The following TFCP2 variants were observed in gnomAD, a reference collection of about 807,000 sequenced individuals.
TFCP2 encodes transcription factor CP2.
TFCP2 carries 33 observed loss-of-function variants against 73.4 expected under a neutral mutation model. The ratio of observed to expected loss-of-function variants is 0.45; its 90% CI spans 0.34 to 0.60. The LOEUF (loss-of-function observed/expected upper bound fraction) is 0.60, where lower values mean the gene tolerates loss of function less well. Among genes scored for constraint, TFCP2 ranks in the 20% least tolerant of loss-of-function variants. The pLI is 0.01. For missense variants in TFCP2, 352 were observed against 604.0 expected, an observed-to-expected ratio of 0.58 and a Z score of 4.37; for synonymous variants, 193 against 211.6, an observed-to-expected ratio of 0.91 and a Z score of 0.76.
intron 8 of TFCP2, 26 bp from the exon 9 acceptor site, chr12:51,104,229 A>G (rs1300444184): frequency 1.2e-6 from 2 of 1,607,358 alleles, no homozygotes; most frequent in South Asian, 2.2e-5. Context: ...AAATGAAAGG[A>G]TGAGTCCATG....
At chr12:51,101,898 T>A (rs1940118153) in intron 11 of TFCP2, 37 bp downstream of exon 11, 2 of 1,376,944 alleles carry the variant, frequency 1.5e-6, no homozygotes, top group African/African-American at 2.8e-5. Context: ...CCATTTGGAA[T>A]CCCAACCTTA....
At chr12:51,120,858 C>T (rs530592696) in intron 1 of TFCP2, among the ~76,000 whole-genome samples, 226 of 137,220 alleles carry the variant, frequency 1.6e-3, no homozygotes, top group Non-Finnish European at 2.8e-3. Flanking sequence ...TCACTTGAGC[C>T]GAGATTGTGC....
chr12:51,161,549 G>A lies in TFCP2; in HGVS notation c.122+10752C>T, dbSNP rs1183952339. ...CAAAAAATTAGCCGGGCATGGTGGT[G>A]CATGCCTGTAATCCCAGCTATTCAG... On this transcript the variant is annotated intron_variant, in intron 1 of 14. Transcript: ENST00000257915. Among the ~76,000 whole-genome samples the A allele has an allele frequency of 2.6e-5, 4 of 151,772 alleles. No individual in the cohort carries two copies. In the East Asian group the frequency reaches 5.8e-4, roughly 22 times the overall value.
At position 51,129,973 on chromosome 12, in the gene TFCP2, C is replaced by A. The variant is rs866957423; in HGVS notation, c.123-11201G>T. ...AGACCAGCCTGGGTAAAAAATAAGA[C>A]CCCATCTCTACAAAAAAAAATTGTT... On this transcript the variant is annotated intron_variant, in intron 1 of 14. Coordinates refer to ENST00000257915, the MANE Select transcript of TFCP2 (RefSeq NM_005653.5). Among the ~76,000 whole-genome samples, 4 of 84,604 alleles carry A rather than the reference C, an allele frequency of 4.7e-5. 1 individual carries two copies. The South Asian group carries it at 2.0e-3, about 43-fold the overall frequency. 55.5% of individuals were successfully genotyped at this position (84,604 alleles called of 152,430 possible).
At chr12:51,156,999 A>G (rs1221870973) in intron 1 of TFCP2, 2 of 142,068 alleles carry the variant, frequency 1.4e-5, no homozygotes, top group Admixed American at 1.5e-4. Flanking sequence ...ATCGTAGTCT[A>G]TTATAATCTC....
intron 1 of TFCP2, among the ~76,000 whole-genome samples, chr12:51,141,488 T>G (rs554688270): frequency 2.6e-4 from 39 of 152,300 alleles, no homozygotes; most frequent in African/African-American, 9.4e-4. Context: ...AGCTCTACTC[T>G]TGCAAGGATC....
chr12:51,135,445 C>A (rs199742063), intron 1 of TFCP2, among the ~76,000 whole-genome samples: 4 of 138,002 alleles, frequency 2.9e-5, no homozygotes, highest in African/African-American at 7.7e-5. Context: ...ACAAAAAAAA[C>A]AACTACGATC....
At chr12:51,099,619 C>T in intron 12 of TFCP2, 36 bp downstream of exon 12, 1 of 1,607,754 alleles carries the variant, frequency 6.2e-7, no homozygotes, top group Non-Finnish European at 8.5e-7. Context: ...CTTCACCTTT[C>T]TTCATATCTG....
chr12:51,118,731 C>T lies in TFCP2; in HGVS notation c.164G>A (p.Ser55Asn), dbSNP rs1940591970. 6.2e-7 allele frequency: 1 copy of T among 1,614,142 alleles called. No homozygotes were observed. The highest frequency in any genetic ancestry group is 1.7e-5 in the Admixed American group (1 of 60,004). Residue 55 changes from serine to asparagine, a missense_variant, in exon 2 of 15, where the codon AGT becomes AAT. Physicochemically the swap from Ser to Asn is conservative, Grantham distance 46. This residue lies in a region of TFCP2 where 76 missense variants were observed against 163.2 expected (regional missense o/e 0.47). Coordinates refer to ENST00000257915, the MANE Select transcript of TFCP2 (RefSeq NM_005653.5). Reference sequence around the variant, plus strand: ...TTTATTCTCATTATCAGGAGGCAAACTCGACTCTTCTTGCTTAAAAATGGG... The same window carrying T: ...TTTATTCTCATTATCAGGAGGCAAATTCGACTCTTCTTGCTTAAAAATGGG... ...ALPIFKQEES[S>N]LPPDNENKIL...
intron 7 of TFCP2, 126 bp from the exon 8 acceptor site, chr12:51,106,739 A>AGTGTTCTCTATTGCTT: frequency 1.4e-6 from 1 of 718,190 alleles, no homozygotes; most frequent in Non-Finnish European, 2.4e-6. Flanking sequence ...TCCCATAAGC[A>AGTGTTCTCTATTGCTT]ATAGAGAACA....
intron 1 of TFCP2, among the ~76,000 whole-genome samples, chr12:51,159,007 C>CAAAAAAA (rs1390552711): frequency 8.4e-4 from 13 of 15,416 alleles, no homozygotes; most frequent in African/African-American, 1.1e-3. Context: ...ACTAAAAATC[C>CAAAAAAA]AAAAAAAAAA....
At position 51,094,379 on chromosome 12, in the gene TFCP2, T is replaced by A. The variant is rs1939907253; in HGVS notation, c.*862A>T. ...CTCTTTCAGTGGTTAATTCCTCAGT[T>A]CATACTCAGTGTTATGTTGTAGTCA... On this transcript the variant is annotated 3_prime_UTR_variant, in exon 15 of 15. Coordinates refer to ENST00000257915, the MANE Select transcript of TFCP2 (RefSeq NM_005653.5). 6.6e-6 allele frequency: 1 copy of A among 152,354 alleles called. No homozygotes were observed. The highest frequency in any genetic ancestry group is 2.1e-4 in the South Asian group (1 of 4,820). The allele number at this position is 152,354 out of a possible 1,614,324, so 9.4% of individuals were successfully genotyped here. A position where few individuals can be genotyped will look rare whatever the true frequency, so the allele number is the denominator to read the frequency against.
chr12:51,119,958 C>T (rs1414964957), intron 1 of TFCP2, among the ~76,000 whole-genome samples: 1 of 151,726 alleles, frequency 6.6e-6, no homozygotes, highest in Non-Finnish European at 1.5e-5. Flanking sequence ...GCGGGTGGAT[C>T]ACCTGAGGTC....
intron 1 of TFCP2, among the ~76,000 whole-genome samples, chr12:51,122,827 A>T (rs1005915399): frequency 6.6e-6 from 1 of 152,216 alleles, no homozygotes; most frequent in African/African-American, 2.4e-5. Context: ...GTGCTCTCCT[A>T]ACAAAAAGTA....
chr12:51,121,981 A>G (rs1486226457), intron 1 of TFCP2, among the ~76,000 whole-genome samples: 2 of 152,198 alleles, frequency 1.3e-5, no homozygotes, highest in Non-Finnish European at 2.9e-5. Flanking sequence ...AGGCAAAGAC[A>G]CTATTGACAG....
chr12:51,101,283 C>T (rs750171817), intron 11 of TFCP2, among the ~76,000 whole-genome samples: 11 of 152,090 alleles, frequency 7.2e-5, no homozygotes, highest in Non-Finnish European at 1.3e-4. Context: ...CCAGTCTGGG[C>T]GAAAGAGTGA....
chr12:51,141,701 A>C (rs1490867197), intron 1 of TFCP2, among the ~76,000 whole-genome samples: 1 of 151,130 alleles, frequency 6.6e-6, no homozygotes, highest in Non-Finnish European at 1.5e-5. Flanking sequence ...GGAGCTAGAG[A>C]CAAGCCTGGA....
At chr12:51,115,122 T>C (rs1042200707) in intron 4 of TFCP2, among the ~76,000 whole-genome samples, 2 of 140,574 alleles carry the variant, frequency 1.4e-5, no homozygotes, top group African/African-American at 5.2e-5. Flanking sequence ...TTGGAACCTT[T>C]TTTTTTTTTT....
rs114207919 is a variant in TFCP2 at position 51,099,987 on chromosome 12, A to T, written c.1152-208T>A. ...TAAGTGGAATTAGTTCCAATATGAG[A>T]CATCATATAAACCTCTGAACTTTTG... is the stretch of plus-strand genomic sequence containing the variant. On this transcript the variant is annotated intron_variant, in intron 11 of 14. Coordinates refer to ENST00000257915, the MANE Select transcript of TFCP2 (RefSeq NM_005653.5). Among the ~76,000 whole-genome samples the T allele has an allele frequency of 7.7e-3, 1,171 of 152,164 alleles. 16 individuals carry two copies. Among genetic ancestry groups the T allele is most frequent in the African/African-American group, 0.027 (1,113 of 41,512 alleles).
Sources: gnomAD v4.1 joint callset for allele counts (sites outside exome capture counted in the v4.1 genomes callset) on GRCh38, gnomAD v4.1.1 for gene constraint, gnomAD v4.1.1 regional missense constraint, MANE v1.5 for transcripts, NCBI Gene and HGNC (gene_info 2026-07-23, HGNC 2026-07-21) for gene names.